Variants in ERC1 observed in about 807,000 individuals in gnomAD.
The protein encoded by ERC1 is RAB6 interacting protein 2.
Under a neutral mutation model 132.0 loss-of-function variants are expected in ERC1, and 56 were observed. The ratio of observed to expected loss-of-function variants is 0.42; its 90% CI spans 0.34 to 0.53. ERC1 has a LOEUF of 0.53. Among genes scored for constraint, ERC1 ranks in the 20% least tolerant of loss-of-function variants. The probability of loss-of-function intolerance (pLI) is 0.03; values close to 1 mark genes in which losing one functional copy is unlikely to be tolerated. For missense variants in ERC1, 1,202 were observed against 1,349.9 expected (o/e 0.89, Z 1.72); for synonymous variants, 478 against 476.1 (o/e 1.00, Z -0.05).
intron 16 of ERC1, among the ~76,000 whole-genome samples, chr12:1,375,413 TTACAATTCGAG>T (rs1472517407): frequency 2.6e-5 from 4 of 152,156 alleles, no homozygotes; most frequent in African/African-American, 9.7e-5. Context: ...CACATGGGGA[TTACAATTCGAG>T]GTGAGATTTG....
chr12:1,214,850 A>T (rs553963642), intron 12 of ERC1, among the ~76,000 whole-genome samples: 1 of 152,312 alleles, frequency 6.6e-6, no homozygotes, highest in East Asian at 1.9e-4. Context: ...AATAAAAAAG[A>T]TAAGAACACT....
chr12:1,231,227 G>C (rs1449489321), intron 12 of ERC1, among the ~76,000 whole-genome samples: 1 of 151,414 alleles, frequency 6.6e-6, no homozygotes, highest in Non-Finnish European at 1.5e-5. Flanking sequence ...TGGTTACTAT[G>C]AGGGTTACAT....
chr12:1,039,337 CAA>C (rs573363202), intron 2 of ERC1, among the ~76,000 whole-genome samples: 3,255 of 112,994 alleles, frequency 0.029, 141 homozygotes, highest in African/African-American at 0.093. Flanking sequence ...GACGTTGTCT[CAA>C]AAAAAAAAAA....
chr12:1,469,860 C>T (rs1474589843), intron 18 of ERC1, among the ~76,000 whole-genome samples: 1 of 149,114 alleles, frequency 6.7e-6, no homozygotes, highest in Non-Finnish European at 1.5e-5. Flanking sequence ...AGGCCCCACC[C>T]CACCCCACCC....
At chr12:1,258,861 A>G (rs112909679) in intron 13 of ERC1, among the ~76,000 whole-genome samples, 44 of 152,292 alleles carry the variant, frequency 2.9e-4, no homozygotes, top group African/African-American at 1.0e-3. Flanking sequence ...TAATCCATAC[A>G]TGTTTTGTTC....
chr12:1,106,789 C>G (rs1565979215), intron 4 of ERC1, among the ~76,000 whole-genome samples: 1 of 152,042 alleles, frequency 6.6e-6, no homozygotes, highest in Non-Finnish European at 1.5e-5. Flanking sequence ...GTTTAACTGC[C>G]TTTTGACAGA....
intron 7 of ERC1, among the ~76,000 whole-genome samples, chr12:1,124,146 A>G (rs1022840678): frequency 1.3e-5 from 2 of 152,232 alleles, no homozygotes; most frequent in African/African-American, 4.8e-5. Flanking sequence ...ATAGATGTGT[A>G]TATAGAATTT....
Position 1,180,277 on chromosome 12 carries a change from GT to G in ERC1, c.1738-262del, listed in dbSNP as rs1566162704. On this transcript the variant is annotated intron_variant, in intron 8 of 18. Coordinates refer to ENST00000360905, the MANE Select transcript of ERC1 (RefSeq NM_178040.4). ...GATGTGTGTGTGTGTGTGTGTGTGT[GT>G]GTGTGCGCGCACGCGTGTGCGCGCG... Among the ~76,000 whole-genome samples, 87 of 146,018 alleles carry G rather than the reference GT, an allele frequency of 6.0e-4. 1 individual carries two copies. Among genetic ancestry groups the G allele is most frequent in the Admixed American group, 3.2e-3 (49 of 15,126 alleles).
intron 12 of ERC1, among the ~76,000 whole-genome samples, chr12:1,207,250 A>G (rs1957427936): frequency 6.6e-6 from 1 of 152,150 alleles, no homozygotes; most frequent in South Asian, 2.1e-4. Context: ...ATCATAAGAT[A>G]TATCACTCAC....
chr12:1,296,401 CTTTTTTTTTTTTTTT>C (rs57458560), intron 15 of ERC1, among the ~76,000 whole-genome samples: 54 of 76,238 alleles, frequency 7.1e-4, no homozygotes, highest in Middle Eastern at 0.011. Flanking sequence ...ATTGGATAGT[CTTTTTTTTTTTTTTT>C]TTTTTTTTTT....
At chr12:1,392,844 A>G (rs2090092922) in intron 16 of ERC1, among the ~76,000 whole-genome samples, 1 of 152,214 alleles carries the variant, frequency 6.6e-6, no homozygotes, top group East Asian at 1.9e-4. Context: ...ACTGAAAGCC[A>G]TTTAGCTCAG....
At chr12:1,344,179 CT>C (rs1383259027) in intron 15 of ERC1, among the ~76,000 whole-genome samples, 1 of 152,182 alleles carries the variant, frequency 6.6e-6, no homozygotes, top group Admixed American at 6.5e-5. Context: ...AATAAAACAT[CT>C]GATTATACAA....
At chr12:1,233,543 G>A (rs899878719) in intron 12 of ERC1, among the ~76,000 whole-genome samples, 4 of 149,286 alleles carry the variant, frequency 2.7e-5, no homozygotes, top group African/African-American at 7.4e-5. Flanking sequence ...GTGAGGCAAT[G>A]TCAGTTATAC....
chr12:1,404,015 A>G (rs2154391552), intron 16 of ERC1, among the ~76,000 whole-genome samples: 1 of 152,344 alleles, frequency 6.6e-6, no homozygotes, highest in South Asian at 2.1e-4. Flanking sequence ...ACCACATGCC[A>G]TAAGAAAAAT....
At chr12:1,121,588 G>C (rs1413229195) in intron 7 of ERC1, among the ~76,000 whole-genome samples, 2 of 152,058 alleles carry the variant, frequency 1.3e-5, no homozygotes, top group African/African-American at 2.4e-5. Flanking sequence ...AGTACCTGCT[G>C]AGAACCCTTC....
chr12:1,408,245 C>A lies in ERC1; in HGVS notation c.3022C>A (p.Gln1008Lys), dbSNP rs372104686. 6.2e-7 allele frequency: 1 copy of A among 1,609,800 alleles called. No individual in the cohort carries two copies. Among genetic ancestry groups the A allele is most frequent in the Non-Finnish European group, 8.5e-7 (1 of 1,176,596 alleles). Residue 1008 changes from glutamine (Q) to lysine (K), a missense_variant and splice_region_variant, in exon 17 of 19, where the codon CAG becomes AAG. Coordinates refer to ENST00000360905, the MANE Select transcript of ERC1 (RefSeq NM_178040.4). The part of the protein sequence containing the change: ...NQTNHKPSPD[Q>K]IIQPLLELDQ... ...AACAAATCACAAGCCCTCCCCAGACCAGGTAAGATGGCTCTGGAATGTTTT... is the reference window on the plus strand; with the variant it reads ...AACAAATCACAAGCCCTCCCCAGACAAGGTAAGATGGCTCTGGAATGTTTT...
At position 1,483,980 on chromosome 12, in the gene ERC1, C is replaced by T. The variant is rs565980863; in HGVS notation, c.3214-6113C>T. Among the ~76,000 whole-genome samples the T allele has an allele frequency of 1.1e-4, 17 of 151,782 alleles. No homozygotes were observed. In the South Asian group the frequency reaches 2.9e-3, roughly 26 times the overall value. The stretch of plus-strand genomic sequence containing the variant: ...GAGTGCTGGGATTATAGGCGTGAGC[C>T]GCTGCGCCCAGCTTCAATGAGGTCT... On this transcript the variant is annotated intron_variant, in intron 18 of 18. Coordinates refer to ENST00000360905, the MANE Select transcript of ERC1 (RefSeq NM_178040.4).
At chr12:1,123,717 G>A (rs1307636334) in intron 7 of ERC1, among the ~76,000 whole-genome samples, 2 of 152,206 alleles carry the variant, frequency 1.3e-5, no homozygotes, top group African/African-American at 2.4e-5. Context: ...AAAGCGGGCC[G>A]GGCGCGGCAG....
intron 11 of ERC1, among the ~76,000 whole-genome samples, chr12:1,189,376 G>C (rs1231218093): frequency 6.6e-6 from 1 of 152,172 alleles, no homozygotes; most frequent in Non-Finnish European, 1.5e-5. Flanking sequence ...TTTGATTCTA[G>C]ATGCCCAAGG....
Sources: allele counts gnomAD v4.1 joint callset (sites outside exome capture counted in the v4.1 genomes callset), GRCh38; gene constraint gnomAD v4.1.1; transcripts MANE v1.5; gene names NCBI Gene and HGNC (gene_info 2026-07-23, HGNC 2026-07-21).